Variants in RXYLT1 observed in about 807,000 individuals in gnomAD.
RXYLT1 encodes ribitol-5-phosphate xylosyltransferase 1.
RXYLT1 carries 41 observed loss-of-function variants against 43.5 expected under a neutral mutation model. The ratio of observed to expected loss-of-function variants is 0.94; its 90% CI spans 0.73 to 1.22. The LOEUF (loss-of-function observed/expected upper bound fraction) is 1.22. Ranked by LOEUF, RXYLT1 falls within the 50% of genes most tolerant of loss-of-function variation. The pLI is 0.00. For missense variants in RXYLT1, 514 were observed against 532.0 expected, an observed-to-expected ratio of 0.97 and a Z score of 0.33; for synonymous variants, 166 against 194.4, an observed-to-expected ratio of 0.85 and a Z score of 1.21.
rs1265747661 is a variant in RXYLT1 at position 63,808,998 on chromosome 12, T to C, written c.1238T>C (p.Met413Thr). Residue 413 changes from methionine to threonine, a missense_variant, in exon 6 of 6, where the codon ATG becomes ACG. Coordinates refer to ENST00000261234, the MANE Select transcript of RXYLT1 (RefSeq NM_014254.3). ...ILQEKIERRKMLLQWYQHFKT... is the reference protein window; with the variant it reads ...ILQEKIERRKTLLQWYQHFKT... ...CAAGAAAAAATTGAAAGAAGAAAAA[T>C]GTTACTTCAGTGGTATCAGCACTTC... The C allele has an allele frequency of 6.2e-7, 1 of 1,611,746 alleles. No homozygotes were observed. Among genetic ancestry groups the C allele is most frequent in the African/African-American group, 1.3e-5 (1 of 74,712 alleles).
At chr12:63,802,789 C>T (rs1898193226) in intron 4 of RXYLT1, among the ~76,000 whole-genome samples, 1 of 151,706 alleles carries the variant, frequency 6.6e-6, no homozygotes, top group South Asian at 2.1e-4. Flanking sequence ...ATATACCGTA[C>T]CATTGTGTTT....
In RXYLT1 at chr12:63,781,002, T is replaced by TA. The variant is rs778652072; in HGVS notation, c.170-16dup. On this transcript the variant is annotated splice_polypyrimidine_tract_variant and intron_variant, in intron 1 of 5. Transcript: ENST00000261234. ...CAATAATACCTTACTGGTAAACACT[T>TA]ACTCTTTTTAAAACAGAACAGTCCA... 27 of 1,554,022 alleles carry TA rather than the reference T, an allele frequency of 1.7e-5. No homozygotes were observed. Among genetic ancestry groups the TA allele is most frequent in the Admixed American group, 1.0e-4 (5 of 48,292 alleles).
At chr12:63,796,770 C>T (rs1898040697) in intron 3 of RXYLT1, among the ~76,000 whole-genome samples, 1 of 151,696 alleles carries the variant, frequency 6.6e-6, no homozygotes, top group Non-Finnish European at 1.5e-5. Flanking sequence ...ATAAAAATCC[C>T]CAGAATCACT....
At chr12:63,793,332 T>C (rs1208594380) in intron 3 of RXYLT1, among the ~76,000 whole-genome samples, 2 of 152,174 alleles carry the variant, frequency 1.3e-5, no homozygotes, top group Non-Finnish European at 2.9e-5. Context: ...CGTGTGATTT[T>C]TCAGGGTTAT....
chr12:63,797,165 T>C (rs1287738909), intron 3 of RXYLT1, among the ~76,000 whole-genome samples: 1 of 151,908 alleles, frequency 6.6e-6, no homozygotes, highest in Admixed American at 6.6e-5. Flanking sequence ...GGTTTCACCA[T>C]GTTGGCCAGG....
At chr12:63,798,251 CCCACCA>C (rs1485094440) in intron 3 of RXYLT1, among the ~76,000 whole-genome samples, 1 of 152,194 alleles carries the variant, frequency 6.6e-6, no homozygotes, top group Non-Finnish European at 1.5e-5. Flanking sequence ...AAGGTTAAAG[CCCACCA>C]CCTGTGCATC....
chr12:63,796,058 A>G (rs1391752558), intron 3 of RXYLT1, among the ~76,000 whole-genome samples: 2 of 152,066 alleles, frequency 1.3e-5, no homozygotes, highest in African/African-American at 4.8e-5. Context: ...ACTACTGTCC[A>G]TTTTCTGGCC....
rs546126560 is a variant in RXYLT1 at position 63,787,221 on chromosome 12, A to G, written c.428+2149A>G. ...ACTTCACCAATGTTCACAACATTGTATCTTCACCAGAAGTAGATTCCATCT... is the reference window on the plus strand; with the variant it reads ...ACTTCACCAATGTTCACAACATTGTGTCTTCACCAGAAGTAGATTCCATCT... On this transcript the variant is annotated intron_variant, in intron 3 of 5. Transcript: ENST00000261234. Among the ~76,000 whole-genome samples, 9 of 152,356 alleles carry G rather than the reference A, an allele frequency of 5.9e-5. No homozygotes were observed. The South Asian group carries it at 1.2e-3, about 21-fold the overall frequency.
At chr12:63,782,359 T>C (rs180912457) in intron 2 of RXYLT1, among the ~76,000 whole-genome samples, 2 of 152,228 alleles carry the variant, frequency 1.3e-5, no homozygotes, top group African/African-American at 4.8e-5. Flanking sequence ...CTAGGAATAA[T>C]CTATAGGTTG....
intron 4 of RXYLT1, among the ~76,000 whole-genome samples, chr12:63,803,181 CAAAAAAAAAAAAAAAAA>C (rs763579072): frequency 8.8e-5 from 2 of 22,604 alleles, no homozygotes; most frequent in Non-Finnish European, 1.7e-4. Context: ...ACTGTCTCAC[CAAAAAAAAAAAAAAAAA>C]AAAAAAAAAA....
At chr12:63,780,242 C>G in intron 1 of RXYLT1, 113 bp downstream of exon 1, 1 of 1,384,594 alleles carries the variant, frequency 7.2e-7, no homozygotes, top group Non-Finnish European at 9.3e-7. Context: ...CCCGCAGGGC[C>G]TGAGAAGCGC....
In RXYLT1 at chr12:63,780,944, T is replaced by G. The variant is rs957389504; in HGVS notation, c.170-75T>G. On this transcript the variant is annotated intron_variant, in intron 1 of 5. Coordinates refer to ENST00000261234, the MANE Select transcript of RXYLT1 (RefSeq NM_014254.3). Reference sequence around the variant, plus strand: ...GTTAGGATGAAATTAGAACTAACACTTAATTTAAATGATTTGAATTTACCT... The same window carrying G: ...GTTAGGATGAAATTAGAACTAACACGTAATTTAAATGATTTGAATTTACCT... The G allele has an allele frequency of 7.2e-6, 9 of 1,256,924 alleles. No individual in the cohort carries two copies. In the African/African-American group the frequency reaches 1.1e-4, roughly 15 times the overall value. The allele number at this position is 1,256,924 out of a possible 1,614,324, so 77.9% of individuals were successfully genotyped here. A position where few individuals can be genotyped will look rare whatever the true frequency, so the allele number is the denominator to read the frequency against.
rs201478556 is a variant in RXYLT1, at chr12:63,781,202, G to A, written c.325+28G>A. 15 of 1,418,982 alleles carry A rather than the reference G, an allele frequency of 1.1e-5. No homozygotes were observed. In the African/African-American group the frequency reaches 1.8e-4, roughly 17 times the overall value. 87.9% of individuals were successfully genotyped at this position (1,418,982 alleles called of 1,614,324 possible). A position where few individuals can be genotyped will look rare whatever the true frequency, so the allele number is the denominator to read the frequency against. On this transcript the variant is annotated intron_variant, in intron 2 of 5. Coordinates refer to ENST00000261234, the MANE Select transcript of RXYLT1 (RefSeq NM_014254.3). ...AAGTTAATACGTAGAAGGAAGACAT[G>A]TAAAAAGCATTATAAAATGTATTTT...
At chr12:63,795,330 C>T (rs1898007148) in intron 3 of RXYLT1, among the ~76,000 whole-genome samples, 1 of 151,746 alleles carries the variant, frequency 6.6e-6, no homozygotes, top group Admixed American at 6.6e-5. Context: ...CATAGTGGCT[C>T]ACACCTGGAA....
Position 63,780,126 on chromosome 12 carries a change from C to T in RXYLT1, c.166C>T (p.Arg56Ter). The T allele has an allele frequency of 1.3e-6, 2 of 1,502,946 alleles. No homozygotes were observed. The highest frequency in any genetic ancestry group is 1.8e-6 in the Non-Finnish European group (2 of 1,135,170). 93.1% of individuals were successfully genotyped at this position (1,502,946 alleles called of 1,614,324 possible). Residue 56 changes from arginine to a stop codon, truncating the protein, a stop_gained, in exon 1 of 6, where the codon CGA (arginine) becomes TGA (stop). Transcript: ENST00000261234. LOFTEE classifies it high-confidence loss of function. ...GAAPARERRGREQSTLESEEW... is the reference protein window; with the variant it reads ...GAAPARERRG The stretch of plus-strand genomic sequence containing the variant: ...GGCCCCCGCGCGGGAGAGACGCGGC[C>T]GAGGTAGGACTGGGTCGGCGGCTTC...
intron 3 of RXYLT1, among the ~76,000 whole-genome samples, chr12:63,787,458 T>G (rs1897829587): frequency 6.6e-6 from 1 of 152,202 alleles, no homozygotes; most frequent in African/African-American, 2.4e-5. Context: ...TCTTCCAAAT[T>G]CCTTTTAATG....
At chr12:63,808,279 T>C (rs74384029) in intron 5 of RXYLT1, 7,699 of 199,028 alleles carry the variant, frequency 0.039, 278 homozygotes, top group East Asian at 0.19. Flanking sequence ...ACTCCTTTGC[T>C]CTTTTCTCAC....
chr12:63,802,520 TAC>T, intron 4 of RXYLT1, 115 bp downstream of exon 4: 1 of 943,304 alleles, frequency 1.1e-6, no homozygotes, highest in South Asian at 2.1e-5. Context: ...TGAGGCCAGG[TAC>T]AGTCTTTCTC....
chr12:63,786,374 G>A (rs541165777), intron 3 of RXYLT1, among the ~76,000 whole-genome samples: 2 of 152,192 alleles, frequency 1.3e-5, no homozygotes, highest in South Asian at 2.1e-4. Context: ...GAGATACTGC[G>A]TGTTCAGTTC....
Sources: gnomAD v4.1 joint callset for allele counts (sites outside exome capture counted in the v4.1 genomes callset) on GRCh38, gnomAD v4.1.1 for gene constraint, MANE v1.5 for transcripts, NCBI Gene and HGNC (gene_info 2026-07-23, HGNC 2026-07-21) for gene names.